Variants in GNG7 observed in about 807,000 individuals in gnomAD.
The protein encoded by GNG7 is G protein subunit gamma 7.
Under a neutral mutation model 4.0 loss-of-function variants are expected in GNG7, and 1 was observed. The ratio of observed to expected loss-of-function variants is 0.25; its 90% CI spans 0.09 to 1.18. The LOEUF (loss-of-function observed/expected upper bound fraction) is 1.18. Among genes scored for constraint, GNG7 ranks in the 50% most tolerant of loss-of-function variants. The pLI is 0.50. For missense variants in GNG7, 86 were observed against 91.9 expected, an observed-to-expected ratio of 0.94 and a Z score of 0.26; for synonymous variants, 34 against 36.9, an observed-to-expected ratio of 0.92 and a Z score of 0.29.
chr19:2,684,135 A>ATT (rs547594113), intron 1 of GNG7, among the ~76,000 whole-genome samples: 39 of 125,320 alleles, frequency 3.1e-4, no homozygotes, highest in Non-Finnish European at 4.1e-4. Flanking sequence ...CAGCCTGGCC[A>ATT]TTTTTTTTTT....
At chr19:2,547,842 C>A (rs1400099711) in intron 3 of GNG7, among the ~76,000 whole-genome samples, 7 of 152,192 alleles carry the variant, frequency 4.6e-5, no homozygotes, top group Admixed American at 6.5e-5. Context: ...ATGTGAAGTG[C>A]CTGCCCCACC....
intron 3 of GNG7, among the ~76,000 whole-genome samples, chr19:2,549,491 A>G (rs1979247441): frequency 6.6e-6 from 1 of 151,932 alleles, no homozygotes; most frequent in Admixed American, 6.6e-5. Context: ...GGGTTTCACT[A>G]TCTTGGCCAG....
chr19:2,513,495 G>C lies in GNG7; in HGVS notation c.*1527C>G. 1.0e-6 allele frequency: 1 copy of C among 985,040 alleles called. No individual in the cohort carries two copies. Among genetic ancestry groups the C allele is most frequent in the Non-Finnish European group, 1.2e-6 (1 of 829,578 alleles). The allele number at this position is 985,040 out of a possible 1,614,324, so 61.0% of individuals were successfully genotyped here. ...TCCCGTCCGTGCCGCAGAGGAGGAC[G>C]CAGTCATCTTTCAGAAGCCTCCCCC... On this transcript the variant is annotated 3_prime_UTR_variant, in exon 5 of 5. Transcript: ENST00000382159.
chr19:2,515,073 G>A lies in GNG7; in HGVS notation c.156C>T (p.Val52=). The part of the protein sequence containing the change: ...HARNDPLLVG[V]PASENPFKDK... ...CCTTAAAGGGGTTCTCCGAGGCAGGGACTCCGACCAGCAGGGGGTCGTTCC... is the reference window on the plus strand; with the variant it reads ...CCTTAAAGGGGTTCTCCGAGGCAGGAACTCCGACCAGCAGGGGGTCGTTCC... Residue 52 remains valine (V), a synonymous_variant, in exon 5 of 5, where the codon GTC becomes GTT. Transcript: ENST00000382159. The A allele has an allele frequency of 6.2e-7, 1 of 1,613,968 alleles. No homozygotes were observed. Among genetic ancestry groups the A allele is most frequent in the Non-Finnish European group, 8.5e-7 (1 of 1,179,894 alleles).
intron 2 of GNG7, among the ~76,000 whole-genome samples, chr19:2,585,798 T>G (rs1379859763): frequency 6.6e-6 from 1 of 152,144 alleles, no homozygotes; most frequent in Non-Finnish European, 1.5e-5. Flanking sequence ...CCTCCCGGGT[T>G]CACGCCATTC....
intron 2 of GNG7, among the ~76,000 whole-genome samples, chr19:2,572,500 C>T (rs544444590): frequency 4.0e-5 from 6 of 151,870 alleles, no homozygotes; most frequent in East Asian, 3.9e-4. Flanking sequence ...GGCCTGATCT[C>T]GGCTCACTGC....
At chr19:2,551,670 A>T (rs978184334) in intron 3 of GNG7, among the ~76,000 whole-genome samples, 7 of 48,036 alleles carry the variant, frequency 1.5e-4, no homozygotes, top group African/African-American at 2.7e-4. Context: ...ATATATATTT[A>T]AAAAATATAT....
intron 2 of GNG7, among the ~76,000 whole-genome samples, chr19:2,623,046 C>G (rs1039165124): frequency 6.6e-6 from 1 of 152,222 alleles, no homozygotes; most frequent in African/African-American, 2.4e-5. Context: ...CAGGCTCAGT[C>G]TGAGCTCTTC....
chr19:2,625,229 C>A (rs192480857), intron 2 of GNG7, among the ~76,000 whole-genome samples: 49 of 152,220 alleles, frequency 3.2e-4, no homozygotes, highest in Admixed American at 7.2e-4. Flanking sequence ...CCACTGCACC[C>A]GGCTAATTTT....
intron 2 of GNG7, among the ~76,000 whole-genome samples, chr19:2,575,369 C>T (rs1319086887): frequency 6.6e-6 from 1 of 152,220 alleles, no homozygotes; most frequent in Non-Finnish European, 1.5e-5. Context: ...GCCACAGTGC[C>T]CTGCTCGAGT....
intron 2 of GNG7, among the ~76,000 whole-genome samples, chr19:2,604,291 A>G (rs1411077244): frequency 6.6e-6 from 1 of 151,872 alleles, no homozygotes; most frequent in Non-Finnish European, 1.5e-5. Flanking sequence ...GCAACATAGC[A>G]AGACCCCATC....
chr19:2,702,088 A>G (rs2144667063), intron 1 of GNG7, among the ~76,000 whole-genome samples: 1 of 145,656 alleles, frequency 6.9e-6, no homozygotes, highest in Non-Finnish European at 1.5e-5. Flanking sequence ...CAGACCTCCA[A>G]TCCCGCTCCA....
rs112077544 is a variant in GNG7 at position 2,546,600 on chromosome 19, C to A, written c.-38+8549G>T. ...AGAGAGGGAATGAATGAGGTGCCCA[C>A]GAGAAAGTGAAAAATAGACCAGCGG... On this transcript the variant is annotated intron_variant, in intron 3 of 4. Transcript: ENST00000382159. This position sits in a 1 kb window ranked among gnomAD's most constrained non-coding sequence, Gnocchi z 6.3. Among the ~76,000 whole-genome samples, 1 of 152,104 alleles carries A rather than the reference C, an allele frequency of 6.6e-6. No homozygotes were observed. The highest frequency in any genetic ancestry group is 1.5e-5 in the Non-Finnish European group (1 of 68,018).
chr19:2,556,269 C>G (rs1049808951), intron 2 of GNG7, among the ~76,000 whole-genome samples: 4 of 152,350 alleles, frequency 2.6e-5, no homozygotes, highest in Admixed American at 2.6e-4. Context: ...CTAGGGGAGG[C>G]CCCGTCCTGC....
chr19:2,553,652 CATACATGCACACGTT>C (rs1979426634), intron 3 of GNG7, among the ~76,000 whole-genome samples: 1 of 110,172 alleles, frequency 9.1e-6, no homozygotes, highest in Non-Finnish European at 2.0e-5. Flanking sequence ...TGTTATATTA[CATACATGCACACGTT>C]ACATGTAATA....
intron 2 of GNG7, among the ~76,000 whole-genome samples, chr19:2,600,342 GA>G (rs1281093253): frequency 6.6e-6 from 1 of 151,546 alleles, no homozygotes; most frequent in Non-Finnish European, 1.5e-5. Flanking sequence ...CTTAATAGAA[GA>G]CAGCTGGATT....
intron 1 of GNG7, among the ~76,000 whole-genome samples, chr19:2,696,288 GAGAGAGAAAGAAAGAA>G (rs1568287814): frequency 3.8e-5 from 4 of 104,456 alleles, no homozygotes; most frequent in African/African-American, 1.5e-4. Flanking sequence ...GAAAAAGAGA[GAGAGAGAAAGAAAGAA>G]AGAAAGAAAG....
At chr19:2,667,058 G>A (rs756120439) in intron 1 of GNG7, among the ~76,000 whole-genome samples, 1 of 152,184 alleles carries the variant, frequency 6.6e-6, no homozygotes, top group Non-Finnish European at 1.5e-5. Flanking sequence ...GGTGGCTCAC[G>A]CCTGTAATCC....
Position 2,513,219 on chromosome 19 carries a change from G to A in GNG7, c.*1803C>T, listed in dbSNP as rs1016792284. The stretch of plus-strand genomic sequence containing the variant: ...GGAAGTGAGCCAAGCAGGGATCCCC[G>A]CCTCACGGGCCTGCACGGAGGACCT... On this transcript the variant is annotated 3_prime_UTR_variant, in exon 5 of 5. Transcript: ENST00000382159. 3.0e-4 allele frequency: 235 copies of A among 794,286 alleles called. No homozygotes were observed. The highest frequency in any genetic ancestry group is 3.3e-4 in the Non-Finnish European group (218 of 655,374). 49.2% of individuals were successfully genotyped at this position (794,286 alleles called of 1,614,324 possible).
Sources: allele counts gnomAD v4.1 joint callset (sites outside exome capture counted in the v4.1 genomes callset), GRCh38; gene constraint gnomAD v4.1.1; non-coding constraint Gnocchi (gnomAD v3.1); transcripts MANE v1.5; gene names NCBI Gene and HGNC (gene_info 2026-07-23, HGNC 2026-07-21).